The following GPC5 variants were observed in gnomAD, a reference collection of about 807,000 sequenced individuals.
The protein encoded by GPC5 is glypican-5.
Under a neutral mutation model 53.9 loss-of-function variants are expected in GPC5, and 47 were observed. The ratio of observed to expected loss-of-function variants is 0.87; its 90% CI spans 0.69 to 1.11. GPC5 has a LOEUF of 1.11. GPC5 is among the 50% of genes most tolerant of loss of function. The pLI, the probability that GPC5 is intolerant of heterozygous loss-of-function variation, is 0.00. For synonymous variants in GPC5, 286 were observed against 263.3 expected (o/e 1.09, Z -0.84); for missense variants, 748 against 713.1 (o/e 1.05, Z -0.56).
At chr13:92,294,435 T>C (rs1480096734) in intron 7 of GPC5, among the ~76,000 whole-genome samples, 4 of 152,210 alleles carry the variant, frequency 2.6e-5, no homozygotes, top group Non-Finnish European at 4.4e-5. Flanking sequence ...AGGAGGGTTG[T>C]ATCTTTCCAG....
chr13:92,598,670 C>A (rs1883952163), intron 7 of GPC5, among the ~76,000 whole-genome samples: 1 of 152,070 alleles, frequency 6.6e-6, no homozygotes, highest in African/African-American at 2.4e-5. Context: ...TAAATTTACA[C>A]CGAACAAATT....
chr13:92,209,840 G>C (rs955017107), intron 7 of GPC5, among the ~76,000 whole-genome samples: 1 of 152,036 alleles, frequency 6.6e-6, no homozygotes, highest in Non-Finnish European at 1.5e-5. Context: ...TGACTCACAC[G>C]ATTACAAGGT....
chr13:92,616,291 A>G (rs1439576229), intron 7 of GPC5, among the ~76,000 whole-genome samples: 1 of 152,210 alleles, frequency 6.6e-6, no homozygotes, highest in African/African-American at 2.4e-5. Context: ...TCCACTATAG[A>G]AACACAAAGA....
chr13:92,240,870 G>A (rs1298831024), intron 7 of GPC5: 2 of 152,052 alleles, frequency 1.3e-5, no homozygotes, highest in African/African-American at 2.4e-5. Context: ...GTTAAAAAGT[G>A]TGGAAGAAAA....
intron 7 of GPC5, among the ~76,000 whole-genome samples, chr13:92,183,203 T>C (rs2139038190): frequency 6.6e-6 from 1 of 152,272 alleles, no homozygotes; most frequent in South Asian, 2.1e-4. Context: ...TAAACAGTAT[T>C]TTATTTTTGC....
At chr13:91,925,044 C>T (rs1190090276) in intron 6 of GPC5, among the ~76,000 whole-genome samples, 2 of 152,086 alleles carry the variant, frequency 1.3e-5, no homozygotes, top group Non-Finnish European at 2.9e-5. Context: ...TGGTCTCGAT[C>T]TCCTGATCTC....
At chr13:92,717,243 T>C (rs1277682189) in intron 7 of GPC5, among the ~76,000 whole-genome samples, 1 of 152,032 alleles carries the variant, frequency 6.6e-6, no homozygotes, top group Non-Finnish European at 1.5e-5. Context: ...TTATCTTCCA[T>C]TGACAAGAAT....
At chr13:92,860,071 A>T (rs543091852) in intron 7 of GPC5, among the ~76,000 whole-genome samples, 4 of 152,262 alleles carry the variant, frequency 2.6e-5, no homozygotes, top group African/African-American at 9.6e-5. Flanking sequence ...TTTCAAAATA[A>T]ATTATACTAT....
At chr13:92,098,469 G>A (rs79368227) in intron 6 of GPC5, among the ~76,000 whole-genome samples, 445 of 152,250 alleles carry the variant, frequency 2.9e-3, no homozygotes, top group African/African-American at 0.01. Context: ...TTGAGTTGAT[G>A]CTGCAATGTG....
At position 92,853,233 on chromosome 13, in the gene GPC5, C is replaced by G. The variant is rs945547485; in HGVS notation, c.1562-13049C>G. Reference sequence around the variant, plus strand: ...TTTTAGTTTCTGTGGTTTCATTTACCTGTGATCAACCCCAATCTGAAGACA... The same window carrying G: ...TTTTAGTTTCTGTGGTTTCATTTACGTGTGATCAACCCCAATCTGAAGACA... On this transcript the variant is annotated intron_variant, in intron 7 of 7. Transcript: ENST00000377067. Among the ~76,000 whole-genome samples, 12 of 152,130 alleles carry G rather than the reference C, an allele frequency of 7.9e-5. No individual in the cohort carries two copies. In the East Asian group the frequency reaches 2.3e-3, roughly 29 times the overall value.
chr13:91,653,614 CAT>C (rs2034772849), intron 2 of GPC5, among the ~76,000 whole-genome samples: 1 of 152,104 alleles, frequency 6.6e-6, no homozygotes, highest in South Asian at 2.1e-4. Context: ...AACAAAAAAA[CAT>C]AATCAATCAA....
At chr13:92,726,625 A>G (rs1467328191) in intron 7 of GPC5, among the ~76,000 whole-genome samples, 1 of 151,596 alleles carries the variant, frequency 6.6e-6, no homozygotes, top group South Asian at 2.1e-4. Flanking sequence ...ACTTAAATGC[A>G]CTCACTTTCT....
chr13:92,608,536 G>GT (rs760007015), intron 7 of GPC5, among the ~76,000 whole-genome samples: 12 of 152,168 alleles, frequency 7.9e-5, no homozygotes, highest in Non-Finnish European at 1.2e-4. Flanking sequence ...TTAAATGCAT[G>GT]TAAGGGGAAA....
intron 7 of GPC5, among the ~76,000 whole-genome samples, chr13:92,528,519 G>A (rs1881442671): frequency 6.6e-6 from 1 of 151,788 alleles, no homozygotes; most frequent in Non-Finnish European, 1.5e-5. Context: ...GTCTCTAAAT[G>A]ATAAGGTATG....
At chr13:92,126,759 G>A (rs1247031379) in intron 6 of GPC5, among the ~76,000 whole-genome samples, 2 of 152,114 alleles carry the variant, frequency 1.3e-5, no homozygotes, top group African/African-American at 4.8e-5. Flanking sequence ...AAACATGTAG[G>A]GTGTTAGGTC....
intron 2 of GPC5, among the ~76,000 whole-genome samples, chr13:91,599,751 A>C (rs2033115632): frequency 1.3e-5 from 2 of 152,218 alleles, no homozygotes; most frequent in Admixed American, 1.3e-4. Context: ...GTGCTCATTC[A>C]TGAAAACATG....
At chr13:92,861,458 G>T (rs989576814) in intron 7 of GPC5, among the ~76,000 whole-genome samples, 2 of 152,112 alleles carry the variant, frequency 1.3e-5, no homozygotes, top group Admixed American at 6.5e-5. Flanking sequence ...ACACTTCATT[G>T]TGTGTATGAT....
chr13:92,264,527 A>G (rs1479287846), intron 7 of GPC5, among the ~76,000 whole-genome samples: 5 of 152,090 alleles, frequency 3.3e-5, no homozygotes, highest in Non-Finnish European at 7.4e-5. Flanking sequence ...CAATGAAAAA[A>G]TGGAGCAAGG....
intron 2 of GPC5, among the ~76,000 whole-genome samples, chr13:91,608,357 A>G (rs1472133066): frequency 2.0e-5 from 3 of 152,206 alleles, no homozygotes; most frequent in African/African-American, 7.2e-5. Flanking sequence ...AATAGTGAAC[A>G]AGAACAAAAT....
Sources: gnomAD v4.1 joint callset for allele counts (sites outside exome capture counted in the v4.1 genomes callset) on GRCh38, gnomAD v4.1.1 for gene constraint, MANE v1.5 for transcripts, NCBI Gene and HGNC (gene_info 2026-07-23, HGNC 2026-07-21) for gene names.